JAKMIP1: variants seen among roughly 807,000 people sequenced by gnomAD.
JAKMIP1 encodes the protein janus kinase and microtubule-interacting protein 1.
JAKMIP1 carries 33 observed loss-of-function variants against 113.0 expected under a neutral mutation model. That is an observed-to-expected ratio of 0.29 (90% CI 0.22 to 0.39). The LOEUF is 0.39. JAKMIP1 is among the 10% of genes least tolerant of loss of function. The pLI, the probability that JAKMIP1 is intolerant of heterozygous loss-of-function variation, is 1.00. For synonymous variants in JAKMIP1, 480 were observed against 459.9 expected (o/e 1.04, Z -0.56); for missense variants, 813 against 1,080.5 (o/e 0.75, Z 3.47).
intron 1 of JAKMIP1, among the ~76,000 whole-genome samples, chr4:6,171,590 TC>T (rs76593324): frequency 0.26 from 39,256 of 151,660 alleles, 6,060 homozygotes; most frequent in Non-Finnish European, 0.34. Context: ...ACCGTCTCGA[TC>T]CCCCCCCAAG....
At position 6,192,590 on chromosome 4, in the gene JAKMIP1, G is replaced by A. The variant is rs1727395303; in HGVS notation, c.-148+7663C>T. On this transcript the variant is annotated intron_variant, in intron 1 of 20. Coordinates refer to ENST00000409021, the MANE Select transcript of JAKMIP1 (RefSeq NM_001099433.2). The surrounding 1 kb of genome is among the most constrained non-coding windows in gnomAD (Gnocchi z 5.0). ...GAAGCTCAGAAAGATGAAGGAACGA[G>A]CACTCGATCACAGAGCTAGCAGGGT... is the stretch of plus-strand genomic sequence containing the variant. 6.6e-6 allele frequency among the ~76,000 whole-genome samples: 1 copy of A among 152,164 alleles called. No homozygotes were observed. The highest frequency in any genetic ancestry group is 6.5e-5 in the Admixed American group (1 of 15,280).
At chr4:6,063,779 C>T (rs1717655151) in intron 9 of JAKMIP1, among the ~76,000 whole-genome samples, 1 of 152,202 alleles carries the variant, frequency 6.6e-6, no homozygotes, top group African/African-American at 2.4e-5. Flanking sequence ...GAAAATGCCA[C>T]CAGGAGGGGA....
In JAKMIP1 at chr4:6,040,163, C is replaced by T. The variant is rs1714129902; in HGVS notation, c.2175+476G>A. On this transcript the variant is annotated intron_variant, in intron 18 of 20. Coordinates refer to ENST00000409021, the MANE Select transcript of JAKMIP1 (RefSeq NM_001099433.2). This position sits in a 1 kb window ranked among gnomAD's most constrained non-coding sequence, Gnocchi z 5.8. ...CCACTGTATTTTAATCACCAGGACG[C>T]CCAGAATCAATTTTGCAACCCAAAT... 6.6e-6 allele frequency among the ~76,000 whole-genome samples: 1 copy of T among 152,278 alleles called. No homozygotes were observed. Among genetic ancestry groups the T allele is most frequent in the Admixed American group, 6.5e-5 (1 of 15,294 alleles).
chr4:6,141,627 C>G lies in JAKMIP1; in HGVS notation c.-147-28630G>C, dbSNP rs145439076. On this transcript the variant is annotated intron_variant, in intron 1 of 20. Coordinates refer to ENST00000409021, the MANE Select transcript of JAKMIP1 (RefSeq NM_001099433.2). The surrounding 1 kb of genome is among the most constrained non-coding windows in gnomAD (Gnocchi z 9.4). ...TGGCCTGTGAATGCCCTTTCTCCTC[C>G]ACTCCCAAATCCACATGATTCTCCA... Among the ~76,000 whole-genome samples the G allele has an allele frequency of 4.6e-4, 70 of 152,300 alleles. 1 individual carries two copies. In the East Asian group the frequency reaches 0.013, roughly 28 times the overall value.
chr4:6,170,774 CCCACCCTCACCACCACCACTACACT>C (rs1724505702), intron 1 of JAKMIP1, among the ~76,000 whole-genome samples: 1 of 84,130 alleles, frequency 1.2e-5, no homozygotes, highest in Non-Finnish European at 3.0e-5. Flanking sequence ...CCATCACCAT[CCCACCCTCACCACCACCACTACACT>C]TCCATCACTA....
intron 18 of JAKMIP1, 73 bp from the exon 19 acceptor site, chr4:6,036,180 C>T: frequency 1.7e-6 from 2 of 1,211,334 alleles, no homozygotes; most frequent in Non-Finnish European, 2.3e-6. Context: ...AGGCTGCTGC[C>T]AGTGGAGGCA....
chr4:6,139,978 C>T lies in JAKMIP1; in HGVS notation c.-147-26981G>A, dbSNP rs959130875. On this transcript the variant is annotated intron_variant, in intron 1 of 20. Transcript: ENST00000409021. The surrounding 1 kb of genome is among the most constrained non-coding windows in gnomAD (Gnocchi z 5.2). ...CCTCGCAGCCTCAGATGGGGTCAAC[C>T]CTGCCCACGCCTGGATCTCAGACTT... Among the ~76,000 whole-genome samples, 1 of 152,076 alleles carries T rather than the reference C, an allele frequency of 6.6e-6. No individual in the cohort carries two copies. Among genetic ancestry groups the T allele is most frequent in the Non-Finnish European group, 1.5e-5 (1 of 68,032 alleles).
At chr4:6,045,944 A>G (rs1714932546) in intron 16 of JAKMIP1, among the ~76,000 whole-genome samples, 2 of 152,204 alleles carry the variant, frequency 1.3e-5, no homozygotes, top group South Asian at 2.1e-4. Flanking sequence ...ATGGAATGAC[A>G]ATTTTTAAAA....
chr4:6,054,182 G>A, intron 12 of JAKMIP1, 34 bp from the exon 13 acceptor site: 1 of 1,611,380 alleles, frequency 6.2e-7, no homozygotes, highest in Non-Finnish European at 8.5e-7. Context: ...TAACAGGATG[G>A]GTGGGAGCAC....
Position 6,085,465 on chromosome 4 carries a change from C to T in JAKMIP1, c.789G>A (p.Glu263=). Residue 263 remains glutamate (E), a synonymous_variant, in exon 4 of 21, where the codon GAG becomes GAA. Coordinates refer to ENST00000409021, the MANE Select transcript of JAKMIP1 (RefSeq NM_001099433.2). ...AERHHSSPKR[E]LPPGIGDMVE... is the part of the protein sequence containing the mutation. ...CCATGTCCCCGATCCCGGGCGGGAG[C>T]TCTCTCTTTGGACTACTGTGGTGCC... is the stretch of plus-strand genomic sequence containing the variant. 1 of 1,614,040 alleles carries T rather than the reference C, an allele frequency of 6.2e-7. No individual in the cohort carries two copies. Among genetic ancestry groups the T allele is most frequent in the Non-Finnish European group, 8.5e-7 (1 of 1,180,022 alleles).
chr4:6,170,301 C>T (rs1335581448), intron 1 of JAKMIP1, among the ~76,000 whole-genome samples: 3 of 146,814 alleles, frequency 2.0e-5, no homozygotes, highest in Non-Finnish European at 4.5e-5. Context: ...ACTGTCAACA[C>T]CATCATAACC....
At chr4:6,161,719 G>A (rs562061460) in intron 1 of JAKMIP1, among the ~76,000 whole-genome samples, 1 of 152,208 alleles carries the variant, frequency 6.6e-6, no homozygotes, top group South Asian at 2.1e-4. Flanking sequence ...GCAGGACTGT[G>A]TCCTCATTGG....
At chr4:6,072,279 A>T (rs988168935) in intron 8 of JAKMIP1, among the ~76,000 whole-genome samples, 30 of 152,198 alleles carry the variant, frequency 2.0e-4, no homozygotes, top group African/African-American at 7.2e-4. Context: ...CTTTGGAGAA[A>T]GGCTCAGATC....
intron 3 of JAKMIP1, among the ~76,000 whole-genome samples, chr4:6,100,052 C>T (rs187245808): frequency 1.2e-4 from 18 of 152,288 alleles, no homozygotes; most frequent in African/African-American, 2.9e-4. Context: ...ATACAAGATC[C>T]ACCATTAAAC....
intron 2 of JAKMIP1, among the ~76,000 whole-genome samples, chr4:6,110,352 C>T (rs994869298): frequency 6.6e-6 from 1 of 151,998 alleles, no homozygotes; most frequent in African/African-American, 2.4e-5. Context: ...AGGAGCCAAT[C>T]CTGACACCTG....
chr4:6,053,996 T>G lies in JAKMIP1; in HGVS notation c.1806+54A>C, dbSNP rs749115051. 3.1e-6 allele frequency: 5 copies of G among 1,613,818 alleles called. No homozygotes were observed. In the South Asian group the frequency reaches 4.4e-5, roughly 14 times the overall value. Reference sequence around the variant, plus strand: ...AGCTTTACATGAATTTCAGTTTGGGTTCAAAGAGAATGTCTGCTCCGTTTG... The same window carrying G: ...AGCTTTACATGAATTTCAGTTTGGGGTCAAAGAGAATGTCTGCTCCGTTTG... On this transcript the variant is annotated intron_variant, in intron 13 of 20. Coordinates refer to ENST00000409021, the MANE Select transcript of JAKMIP1 (RefSeq NM_001099433.2).
chr4:6,094,418 C>T lies in JAKMIP1; in HGVS notation c.625-8789G>A, dbSNP rs1326463041. On this transcript the variant is annotated intron_variant, in intron 3 of 20. Coordinates refer to ENST00000409021, the MANE Select transcript of JAKMIP1 (RefSeq NM_001099433.2). The surrounding 1 kb of genome is among the most constrained non-coding windows in gnomAD (Gnocchi z 4.2). ...CTCCTACCCAACTGACAGGAGGAATCGTGCTAAGAAAACAGCCTGGCCCCA... is the reference window on the plus strand; with the variant it reads ...CTCCTACCCAACTGACAGGAGGAATTGTGCTAAGAAAACAGCCTGGCCCCA... Among the ~76,000 whole-genome samples, 2 of 152,270 alleles carry T rather than the reference C, an allele frequency of 1.3e-5. No individual in the cohort carries two copies. Among genetic ancestry groups the T allele is most frequent in the Admixed American group, 6.5e-5 (1 of 15,300 alleles).
chr4:6,101,972 A>G (rs1713119760), intron 3 of JAKMIP1, among the ~76,000 whole-genome samples: 1 of 151,622 alleles, frequency 6.6e-6, no homozygotes, highest in East Asian at 1.9e-4. Context: ...TAGATCAATC[A>G]TGGAAAAACT....
chr4:6,135,355 C>T lies in JAKMIP1; in HGVS notation c.-147-22358G>A, dbSNP rs1019891846. On this transcript the variant is annotated intron_variant, in intron 1 of 20. Coordinates refer to ENST00000409021, the MANE Select transcript of JAKMIP1 (RefSeq NM_001099433.2). This position sits in a 1 kb window ranked among gnomAD's most constrained non-coding sequence, Gnocchi z 4.9. ...ACCATGTGAGGACATGGGGAGAAGACGGCCGTCTACAAGCCAAGGAGAGAG... is the reference window on the plus strand; with the variant it reads ...ACCATGTGAGGACATGGGGAGAAGATGGCCGTCTACAAGCCAAGGAGAGAG... Among the ~76,000 whole-genome samples the T allele has an allele frequency of 6.6e-6, 1 of 152,118 alleles. No individual in the cohort carries two copies. Among genetic ancestry groups the T allele is most frequent in the Non-Finnish European group, 1.5e-5 (1 of 68,034 alleles).
Sources: allele counts gnomAD v4.1 joint callset (sites outside exome capture counted in the v4.1 genomes callset), GRCh38; gene constraint gnomAD v4.1.1; non-coding constraint Gnocchi (gnomAD v3.1); transcripts MANE v1.5; gene names NCBI Gene and HGNC (gene_info 2026-07-23, HGNC 2026-07-21).